Variants in PJA2 observed in about 807,000 individuals in gnomAD.
PJA2 encodes the protein E3 ubiquitin-protein ligase Praja-2.
A neutral mutation model predicts 69.3 loss-of-function variants in PJA2; 25 were observed. The observed-to-expected ratio is 0.36, with a 90% CI of 0.26 to 0.50. The LOEUF (loss-of-function observed/expected upper bound fraction) is 0.50. Among genes scored for constraint, PJA2 ranks in the 20% least tolerant of loss-of-function variants. PJA2 has a pLI of 0.96. For synonymous variants in PJA2, 308 were observed against 277.8 expected (o/e 1.11, Z -1.08); for missense variants, 809 against 830.2 (o/e 0.97, Z 0.31).
At chr5:109,355,291 T>C (rs1179364941) in intron 7 of PJA2, among the ~76,000 whole-genome samples, 1 of 152,202 alleles carries the variant, frequency 6.6e-6, no homozygotes, top group Non-Finnish European at 1.5e-5. Flanking sequence ...GAAATAGTGA[T>C]TTGAAAGGAC....
At position 109,379,153 on chromosome 5, in the gene PJA2, T is replaced by C; in HGVS notation, c.334A>G (p.Thr112Ala). 1 of 1,614,162 alleles carries C rather than the reference T, an allele frequency of 6.2e-7. No homozygotes were observed. The change falls in exon 4 of 10, where the codon ACC (threonine) becomes GCC (alanine). Residue 112 changes from threonine (T) to alanine (A), a missense_variant. Thr to Ala is a moderately conservative substitution (Grantham distance 58, BLOSUM62 0). This residue lies in a region of PJA2 where 700 missense variants were observed against 639.5 expected (regional missense o/e 1.09). Coordinates refer to ENST00000361189, the MANE Select transcript of PJA2 (RefSeq NM_014819.5). ...ACAAAGGATTGACTGCTCTCAGTGG[T>C]TTGATTCAATGCTGAACCACAAGTG... is the stretch of plus-strand genomic sequence containing the variant. ...IPTCGSALNQ[T>A]TESSQSFVAV...
chr5:109,376,034 T>C (rs775410780), intron 4 of PJA2, among the ~76,000 whole-genome samples: 10 of 152,146 alleles, frequency 6.6e-5, no homozygotes, highest in Non-Finnish European at 1.3e-4. Flanking sequence ...AGTACAGTCC[T>C]AGGCAGAACC....
intron 1 of PJA2, among the ~76,000 whole-genome samples, chr5:109,385,214 T>A (rs1308328217): frequency 6.6e-6 from 1 of 152,200 alleles, no homozygotes; most frequent in East Asian, 1.9e-4. Flanking sequence ...GCTACTGTAT[T>A]GAATAGCATG....
rs957168738 is a variant in PJA2 at position 109,407,089 on chromosome 5, T to C, written c.-88+2753A>G. 3.3e-5 allele frequency among the ~76,000 whole-genome samples: 5 copies of C among 152,312 alleles called. No homozygotes were observed. In the East Asian group the frequency reaches 7.7e-4, roughly 23 times the overall value. On this transcript the variant is annotated intron_variant, in intron 1 of 9. Transcript: ENST00000361189. ...TTGGGGGAGATGAAAATATTCTATATCTTAATTGTGGTATGAAAATATTCC... is the reference window on the plus strand; with the variant it reads ...TTGGGGGAGATGAAAATATTCTATACCTTAATTGTGGTATGAAAATATTCC...
rs756388627 is a variant in PJA2, at chr5:109,381,526, T to C, written c.209A>G (p.Asp70Gly). The change falls in exon 3 of 10, where the codon GAT becomes GGT. Residue 70 changes from aspartate (D) to glycine (G), a missense_variant. Physicochemically the swap from Asp to Gly is moderately conservative, Grantham distance 94 (BLOSUM62 -1). Transcript: ENST00000361189. ...GDDYEVLELD[D>G]VPKENSSGSS... Reference sequence around the variant, plus strand: ...ACCTGAGGAATTTTCCTTTGGAACATCATCTAGTTCCAACACTTCATAGTC... The same window carrying C: ...ACCTGAGGAATTTTCCTTTGGAACACCATCTAGTTCCAACACTTCATAGTC... 1.2e-6 allele frequency: 2 copies of C among 1,613,956 alleles called. No individual in the cohort carries two copies. The highest frequency in any genetic ancestry group is 4.5e-5 in the East Asian group (2 of 44,870).
At chr5:109,408,985 C>G (rs569029932) in intron 1 of PJA2, 1 of 152,052 alleles carries the variant, frequency 6.6e-6, no homozygotes. Context: ...TCAAAAGAAG[C>G]GCCTATGCGG....
At chr5:109,393,039 C>A (rs2127013782) in intron 1 of PJA2, among the ~76,000 whole-genome samples, 1 of 152,066 alleles carries the variant, frequency 6.6e-6, no homozygotes, top group South Asian at 2.1e-4. Context: ...TAAAAAGATA[C>A]CATTCAGAGA....
At chr5:109,373,562 T>C (rs74346313) in intron 4 of PJA2, among the ~76,000 whole-genome samples, 4,632 of 152,260 alleles carry the variant, frequency 0.03, 93 homozygotes, top group Middle Eastern at 0.048. Context: ...AAAATCACTT[T>C]TTAAGGAGTA....
At position 109,382,071 on chromosome 5, in the gene PJA2, T is replaced by C. The variant is rs531270197; in HGVS notation, c.32-368A>G. Among the ~76,000 whole-genome samples the C allele has an allele frequency of 2.0e-5, 3 of 152,266 alleles. No homozygotes were observed. The East Asian group carries it at 5.8e-4, about 29-fold the overall frequency. On this transcript the variant is annotated intron_variant, in intron 2 of 9. Transcript: ENST00000361189. ...AAATTAAGTACCTTATATATTATAT[T>C]AATATAAGTGCTCAATACATATTTG...
intron 1 of PJA2, among the ~76,000 whole-genome samples, chr5:109,388,313 C>T (rs1360952472): frequency 6.6e-6 from 1 of 152,104 alleles, no homozygotes; most frequent in African/African-American, 2.4e-5. Flanking sequence ...AAGGGTAATG[C>T]CCTAGTGCAT....
chr5:109,360,893 C>T (rs1381496696), intron 6 of PJA2, among the ~76,000 whole-genome samples: 2 of 151,912 alleles, frequency 1.3e-5, no homozygotes, highest in African/African-American at 4.8e-5. Context: ...TTTGGGAGGC[C>T]GAGGAGGGTG....
chr5:109,351,887 A>C (rs1762259321), intron 7 of PJA2, among the ~76,000 whole-genome samples: 1 of 152,182 alleles, frequency 6.6e-6, no homozygotes, highest in African/African-American at 2.4e-5. Flanking sequence ...AAATAATCAT[A>C]AATTATTTTT....
At chr5:109,373,101 G>T (rs915234421) in intron 4 of PJA2, among the ~76,000 whole-genome samples, 1 of 151,616 alleles carries the variant, frequency 6.6e-6, no homozygotes, top group Non-Finnish European at 1.5e-5. Flanking sequence ...CAATAAAAAA[G>T]AATACAGAAA....
chr5:109,387,205 T>C (rs1212094974), intron 1 of PJA2, among the ~76,000 whole-genome samples: 2 of 152,212 alleles, frequency 1.3e-5, no homozygotes, highest in Admixed American at 6.5e-5. Context: ...TCTTATTCTG[T>C]GATTATTATT....
rs538113680 is a variant in PJA2, at chr5:109,379,034, A to G, written c.453T>C (p.Cys151=). ...HSEGEYIPGA[C]SASSVQNGIA... ...TTCCATTTTGGACACTTGAAGCACT[A>G]CAAGCTCCTGGAATATACTCTCCCT... The change falls in exon 4 of 10, where the codon TGT becomes TGC. Residue 151 remains cysteine, a synonymous_variant. Coordinates refer to ENST00000361189, the MANE Select transcript of PJA2 (RefSeq NM_014819.5). 11 of 1,614,094 alleles carry G rather than the reference A, an allele frequency of 6.8e-6. No homozygotes were observed. The Admixed American group carries it at 1.5e-4, about 22-fold the overall frequency.
intron 3 of PJA2, 84 bp from the exon 4 acceptor site, chr5:109,379,338 C>T: frequency 1.0e-6 from 1 of 974,710 alleles, no homozygotes; most frequent in South Asian, 1.7e-5. Context: ...AAGTGGAAAT[C>T]ATACCAATTA....
At chr5:109,351,253 A>C (rs547312923) in intron 7 of PJA2, among the ~76,000 whole-genome samples, 8 of 151,758 alleles carry the variant, frequency 5.3e-5, no homozygotes, top group African/African-American at 1.9e-4. Flanking sequence ...TTAGGTGAAC[A>C]ACGTTTTTCA....
At chr5:109,351,277 A>G (rs1369700691) in intron 7 of PJA2, among the ~76,000 whole-genome samples, 1 of 151,962 alleles carries the variant, frequency 6.6e-6, no homozygotes, top group East Asian at 1.9e-4. Flanking sequence ...TTACATTCAT[A>G]AGATGAAAAT....
intron 4 of PJA2, among the ~76,000 whole-genome samples, chr5:109,376,332 AAT>A (rs1268753437): frequency 6.6e-6 from 1 of 151,756 alleles, no homozygotes; most frequent in Non-Finnish European, 1.5e-5. Flanking sequence ...TAAGAATAAG[AAT>A]TACAAATAAC....
Sources: allele counts gnomAD v4.1 joint callset (sites outside exome capture counted in the v4.1 genomes callset), GRCh38; gene constraint gnomAD v4.1.1; regional missense constraint gnomAD v4.1.1; transcripts MANE v1.5; gene names NCBI Gene and HGNC (gene_info 2026-07-23, HGNC 2026-07-21).